Variants in KIRREL3 observed in about 807,000 individuals in gnomAD.
The protein encoded by KIRREL3 is kin of IRRE-like protein 3.
In KIRREL3, 36 loss-of-function variants were observed where a neutral mutation model predicts 89.7. The ratio of observed to expected loss-of-function variants is 0.40; its 90% confidence interval spans 0.31 to 0.53. The LOEUF (loss-of-function observed/expected upper bound fraction) is 0.53, where lower values mean the gene tolerates loss of function less well. KIRREL3 is among the 20% of genes least tolerant of loss of function. The pLI is 0.49. For synonymous variants in KIRREL3, 445 were observed against 441.4 expected (o/e 1.01, Z -0.10); for missense variants, 864 against 1,056.6 (o/e 0.82, Z 2.53).
intron 1 of KIRREL3, among the ~76,000 whole-genome samples, chr11:126,712,286 C>T (rs77356955): frequency 0.087 from 9,194 of 105,256 alleles, 754 homozygotes; most frequent in African/African-American, 0.24. Flanking sequence ...TGTGTGTGTG[C>T]GCGCGTGCAT....
chr11:126,985,923 C>G lies in KIRREL3; in HGVS notation c.55+14532G>C, dbSNP rs1388834936. Among the ~76,000 whole-genome samples, 1 of 152,176 alleles carries G rather than the reference C, an allele frequency of 6.6e-6. No homozygotes were observed. Among genetic ancestry groups the G allele is most frequent in the East Asian group, 1.9e-4 (1 of 5,194 alleles). ...GAGTTAAAGCTGTTGTTTCTGGACA[C>G]TATATAGCCTAGTGATCTCCTGAAG... On this transcript the variant is annotated intron_variant, in intron 1 of 16. Transcript: ENST00000525144. This position sits in a 1 kb window ranked among gnomAD's most constrained non-coding sequence, Gnocchi z 5.3.
rs370956031 is a variant in KIRREL3 at position 126,571,890 on chromosome 11, G to A, written c.56-8978C>T. 6.6e-6 allele frequency among the ~76,000 whole-genome samples: 1 copy of A among 152,242 alleles called. No homozygotes were observed. Among genetic ancestry groups the A allele is most frequent in the African/African-American group, 2.4e-5 (1 of 41,458 alleles). On this transcript the variant is annotated intron_variant, in intron 1 of 16. Coordinates refer to ENST00000525144, the MANE Select transcript of KIRREL3 (RefSeq NM_032531.4). The surrounding 1 kb of genome is among the most constrained non-coding windows in gnomAD (Gnocchi z 7.7). ...ATTCCAATGAGTTACTTGCTAGGTG[G>A]GGGAACAGAGAAATAGGATCATGAA...
In KIRREL3 at chr11:126,463,087, T is replaced by C. The variant is rs1172979320; in HGVS notation, c.742+70A>G. ...TCCTGCTATCAGATGGGCCAGGCTA[T>C]GGTCAGGGTTGCTGGGTGTTTCACC... On this transcript the variant is annotated intron_variant, in intron 6 of 16. Coordinates refer to ENST00000525144, the MANE Select transcript of KIRREL3 (RefSeq NM_032531.4). The surrounding 1 kb of genome is among the most constrained non-coding windows in gnomAD (Gnocchi z 5.9). 10 of 1,476,868 alleles carry C rather than the reference T, an allele frequency of 6.8e-6. No individual in the cohort carries two copies. The highest frequency in any genetic ancestry group is 4.7e-4 in the Middle Eastern group (2 of 4,258). The allele number at this position is 1,476,868 out of a possible 1,614,324, so 91.5% of individuals were successfully genotyped here.
At chr11:126,972,204 G>GAGAGAGAGAGAGAGAGAGAGAGA (rs1555110558) in intron 1 of KIRREL3, among the ~76,000 whole-genome samples, 185 of 146,486 alleles carry the variant, frequency 1.3e-3, no homozygotes, top group Non-Finnish European at 1.8e-3. Context: ...GAGAGAGAGA[G>GAGAGAGAGAGAGAGAGAGAGAGA]GACTGTGCAT....
At position 126,755,848 on chromosome 11, in the gene KIRREL3, A is replaced by G. The variant is rs867993022; in HGVS notation, c.56-192936T>C. On this transcript the variant is annotated intron_variant, in intron 1 of 16. Coordinates refer to ENST00000525144, the MANE Select transcript of KIRREL3 (RefSeq NM_032531.4). This position sits in a 1 kb window ranked among gnomAD's most constrained non-coding sequence, Gnocchi z 4.3. ...CAGAGAGAGAGAGAGAGAGAGAGAGAGAGAGAGGGAGAGAGGGAGAGAGAA... is the reference window on the plus strand; with the variant it reads ...CAGAGAGAGAGAGAGAGAGAGAGAGGGAGAGAGGGAGAGAGGGAGAGAGAA... Among the ~76,000 whole-genome samples the G allele has an allele frequency of 9.1e-6, 1 of 109,738 alleles. No individual in the cohort carries two copies. Among genetic ancestry groups the G allele is most frequent in the South Asian group, 3.0e-4 (1 of 3,308 alleles). 72.0% of individuals were successfully genotyped at this position (109,738 alleles called of 152,430 possible).
At chr11:126,648,812 A>G (rs1944793922) in intron 1 of KIRREL3, among the ~76,000 whole-genome samples, 1 of 152,254 alleles carries the variant, frequency 6.6e-6, no homozygotes, top group South Asian at 2.1e-4. Flanking sequence ...AGAAATAAAT[A>G]TGGTAGCCCA....
At position 126,443,355 on chromosome 11, in the gene KIRREL3, C is replaced by A. The variant is rs1955660236; in HGVS notation, c.1252+1624G>T. Among the ~76,000 whole-genome samples, 1 of 152,168 alleles carries A rather than the reference C, an allele frequency of 6.6e-6. No homozygotes were observed. Among genetic ancestry groups the A allele is most frequent in the Admixed American group, 6.5e-5 (1 of 15,284 alleles). Reference sequence around the variant, plus strand: ...GGAGCTCTGAGCCGAGTGTCAGACACCTGCGCTGAAAGGAAAAGGCTGCAG... The same window carrying A: ...GGAGCTCTGAGCCGAGTGTCAGACAACTGCGCTGAAAGGAAAAGGCTGCAG... On this transcript the variant is annotated intron_variant, in intron 10 of 16. Coordinates refer to ENST00000525144, the MANE Select transcript of KIRREL3 (RefSeq NM_032531.4). The surrounding 1 kb of genome is among the most constrained non-coding windows in gnomAD (Gnocchi z 7.3).
chr11:126,435,194 TG>T, intron 13 of KIRREL3, 73 bp downstream of exon 13: 1 of 1,523,502 alleles, frequency 6.6e-7, no homozygotes, highest in Non-Finnish European at 9.1e-7. Context: ...TACCCCCTGC[TG>T]GGTTCCCTCC....
chr11:126,435,283 C>A lies in KIRREL3; in HGVS notation c.1573G>T (p.Ala525Ser). ...CCTTCCGTACCTGCTTCCAGCCCGG[C>A]TCCCGACTTCATTTCCGAACCTGTT... ...KEQGSEMKSG[A>S]GLEAESVPMA... is the part of the protein sequence containing the mutation. The change falls in exon 13 of 17, where the codon GCC becomes TCC. Residue 525 changes from alanine to serine, a missense_variant. Ala to Ser is a moderately conservative substitution (Grantham distance 99). Coordinates refer to ENST00000525144, the MANE Select transcript of KIRREL3 (RefSeq NM_032531.4). 2.5e-6 allele frequency: 4 copies of A among 1,613,874 alleles called. 1 individual carries two copies. In the South Asian group the frequency reaches 4.4e-5, roughly 18 times the overall value.
chr11:126,667,985 C>T (rs1387854441), intron 1 of KIRREL3, among the ~76,000 whole-genome samples: 1 of 152,202 alleles, frequency 6.6e-6, no homozygotes, highest in Non-Finnish European at 1.5e-5. Context: ...GCTGTTTGGT[C>T]ACACTGTTTA....
intron 1 of KIRREL3, among the ~76,000 whole-genome samples, chr11:126,584,934 T>A (rs1402034085): frequency 2.6e-5 from 4 of 151,974 alleles, no homozygotes; most frequent in Non-Finnish European, 5.9e-5. Context: ...TTTTTTTTAT[T>A]TTGAGACAGA....
At chr11:126,630,299 C>CTGGGCTA (rs1307221427) in intron 1 of KIRREL3, among the ~76,000 whole-genome samples, 1 of 152,208 alleles carries the variant, frequency 6.6e-6, no homozygotes, top group Admixed American at 6.5e-5. Context: ...ATGTTTTCAT[C>CTGGGCTA]TGGGCTATGA....
Position 126,516,795 on chromosome 11 carries a change from T to G in KIRREL3, c.433+4520A>C, listed in dbSNP as rs1468520449. ...AGAAGGAGCAGTCTGCATGTATATG[T>G]GTACACAACTTTAAAATACAGGCGG... On this transcript the variant is annotated intron_variant, in intron 4 of 16. Transcript: ENST00000525144. This position sits in a 1 kb window ranked among gnomAD's most constrained non-coding sequence, Gnocchi z 4.9. Among the ~76,000 whole-genome samples the G allele has an allele frequency of 6.6e-6, 1 of 152,202 alleles. No individual in the cohort carries two copies. Among genetic ancestry groups the G allele is most frequent in the Non-Finnish European group, 1.5e-5 (1 of 68,026 alleles).
intron 1 of KIRREL3, chr11:126,936,312 G>C (rs933149754): frequency 5.9e-5 from 9 of 152,112 alleles, no homozygotes; most frequent in African/African-American, 2.2e-4. Flanking sequence ...AAATGTTACA[G>C]CCACTTTGGA....
intron 1 of KIRREL3, among the ~76,000 whole-genome samples, chr11:126,966,225 A>G (rs551531517): frequency 6.6e-6 from 1 of 152,312 alleles, no homozygotes; most frequent in Non-Finnish European, 1.5e-5. Context: ...GACTGACAAT[A>G]AGGTACAGAC....
chr11:126,759,760 C>T (rs571496885), intron 1 of KIRREL3, among the ~76,000 whole-genome samples: 57 of 152,286 alleles, frequency 3.7e-4, no homozygotes, highest in African/African-American at 1.3e-3. Context: ...TCTATTCAGA[C>T]AATAATGAAA....
chr11:126,858,856 G>A (rs953617677), intron 1 of KIRREL3, among the ~76,000 whole-genome samples: 1 of 152,208 alleles, frequency 6.6e-6, no homozygotes. Flanking sequence ...TCACCTGGAT[G>A]TCAGGTTGCT....
chr11:126,494,232 T>G (rs533613873), intron 4 of KIRREL3, among the ~76,000 whole-genome samples: 21 of 152,302 alleles, frequency 1.4e-4, no homozygotes, highest in African/African-American at 4.8e-4. Flanking sequence ...CTATTACTGG[T>G]GAGTTATTTT....
In KIRREL3 at chr11:126,704,485, G is replaced by C. The variant is rs1049843355; in HGVS notation, c.56-141573C>G. Among the ~76,000 whole-genome samples, 2 of 152,252 alleles carry C rather than the reference G, an allele frequency of 1.3e-5. No individual in the cohort carries two copies. The highest frequency in any genetic ancestry group is 2.9e-5 in the Non-Finnish European group (2 of 68,042). On this transcript the variant is annotated intron_variant, in intron 1 of 16. Transcript: ENST00000525144. This position sits in a 1 kb window ranked among gnomAD's most constrained non-coding sequence, Gnocchi z 4.2. ...CTTGTCACTTAGAAGGTCTGTCTGA[G>C]AGACCTTGGTGGAGTGCAGCTTCAG... is the stretch of plus-strand genomic sequence containing the variant.
Sources: allele counts gnomAD v4.1 joint callset (sites outside exome capture counted in the v4.1 genomes callset), GRCh38; gene constraint gnomAD v4.1.1; non-coding constraint Gnocchi (gnomAD v3.1); transcripts MANE v1.5; gene names NCBI Gene and HGNC (gene_info 2026-07-23, HGNC 2026-07-21).